Variants in ZCCHC2 observed in about 807,000 individuals in gnomAD.
ZCCHC2 encodes zinc finger CCHC domain-containing protein 2.
A neutral mutation model predicts 103.6 loss-of-function variants in ZCCHC2; 39 were observed. That is an observed-to-expected ratio of 0.38 (90% CI 0.29 to 0.49). ZCCHC2 has a LOEUF of 0.49. Among genes scored for constraint, ZCCHC2 ranks in the 20% least tolerant of loss-of-function variants. The pLI, the probability that ZCCHC2 is intolerant of heterozygous loss-of-function variation, is 0.96. For synonymous variants in ZCCHC2, 687 were observed against 608.9 expected, an observed-to-expected ratio of 1.13 and a Z score of -1.89; for missense variants, 1,483 against 1,491.0, an observed-to-expected ratio of 0.99 and a Z score of 0.09.
At chr18:62,526,051 T>C (rs547166657) in intron 1 of ZCCHC2, 1 of 152,388 alleles carries the variant, frequency 6.6e-6, no homozygotes, top group South Asian at 2.1e-4. Context: ...ACTTGATTTC[T>C]GATTTTAACT....
At chr18:62,524,648 T>C in intron 1 of ZCCHC2, 1 of 402,320 alleles carries the variant, frequency 2.5e-6, no homozygotes, top group South Asian at 7.8e-5. Context: ...GACGTGGAGC[T>C]CCCCGCCCGG....
At chr18:62,549,572 T>A (rs1235269792) in intron 4 of ZCCHC2, among the ~76,000 whole-genome samples, 2 of 152,254 alleles carry the variant, frequency 1.3e-5, no homozygotes, top group East Asian at 3.8e-4. Flanking sequence ...GTGCCAGTAA[T>A]AGGACAGATT....
At position 62,532,616 on chromosome 18, in the gene ZCCHC2, A is replaced by G. The variant is rs138653551; in HGVS notation, c.940-7065A>G. Among the ~76,000 whole-genome samples, 916 of 152,212 alleles carry G rather than the reference A, an allele frequency of 6.0e-3. 30 individuals are homozygous for G. Among genetic ancestry groups the G allele is most frequent in the Admixed American group, 0.046 (708 of 15,292 alleles). ...CTGGGTTCATGCCATTGTCTCTTGT[A>G]TGATGTTTTCTGGAATTGTCCCCGT... On this transcript the variant is annotated intron_variant, in intron 1 of 13. Coordinates refer to ENST00000269499, the MANE Select transcript of ZCCHC2 (RefSeq NM_017742.6).
At chr18:62,570,366 G>A in intron 12 of ZCCHC2, 135 bp downstream of exon 12, 2 of 1,125,938 alleles carry the variant, frequency 1.8e-6, no homozygotes, top group East Asian at 2.7e-5. Flanking sequence ...GATTTTAAAT[G>A]TAAAGTCGTT....
chr18:62,524,077 A>G lies in ZCCHC2; in HGVS notation c.653A>G (p.Glu218Gly). 6.6e-7 allele frequency: 1 copy of G among 1,504,464 alleles called. No homozygotes were observed. Among genetic ancestry groups the G allele is most frequent in the South Asian group, 1.3e-5 (1 of 79,524 alleles). The allele number at this position is 1,504,464 out of a possible 1,614,324, so 93.2% of individuals were successfully genotyped here. Residue 218 changes from glutamate to glycine, a missense_variant, in exon 1 of 14, where the codon GAG becomes GGG. This residue lies in a region of ZCCHC2 where 568 missense variants were observed against 525.1 expected (regional missense o/e 1.08). Coordinates refer to ENST00000269499, the MANE Select transcript of ZCCHC2 (RefSeq NM_017742.6). ...ARGEGSRGGA[E>G]DERGEDGDGE... ...GGCGAGGGCTCGCGGGGCGGCGCGGAGGACGAGCGCGGCGAGGACGGCGAC... is the reference window on the plus strand; with the variant it reads ...GGCGAGGGCTCGCGGGGCGGCGCGGGGGACGAGCGCGGCGAGGACGGCGAC...
chr18:62,523,847 C>T lies in ZCCHC2; in HGVS notation c.423C>T (p.Asp141=), dbSNP rs1219519771. The T allele has an allele frequency of 3.2e-6, 5 of 1,545,044 alleles. No individual in the cohort carries two copies. In the Admixed American group the frequency reaches 5.9e-5, roughly 18 times the overall value. ...GSCLEDLARK[D]YHYLRDSEAK... is the part of the protein sequence containing the mutation. ...GCCTGGAGGACCTGGCGCGCAAGGA[C>T]TACCACTACCTGCGCGACTCGGAGG... Residue 141 remains aspartate (D), a synonymous_variant, in exon 1 of 14, where the codon GAC becomes GAT. Transcript: ENST00000269499.
chr18:62,538,839 AATATT>A (rs1222242684), intron 1 of ZCCHC2, among the ~76,000 whole-genome samples: 2 of 152,222 alleles, frequency 1.3e-5, no homozygotes, highest in African/African-American at 4.8e-5. Flanking sequence ...TACAGAAAAA[AATATT>A]AATGTATGTT....
intron 5 of ZCCHC2, among the ~76,000 whole-genome samples, chr18:62,555,785 G>A (rs1230243876): frequency 6.6e-6 from 1 of 151,252 alleles, no homozygotes; most frequent in East Asian, 1.9e-4. Context: ...TCCATCCTGG[G>A]CAATAAGAGC....
At chr18:62,540,673 T>A (rs1915132527) in intron 2 of ZCCHC2, among the ~76,000 whole-genome samples, 2 of 152,010 alleles carry the variant, frequency 1.3e-5, no homozygotes, top group African/African-American at 2.4e-5. Context: ...ATGAAGGTCC[T>A]TTTTTTTAAT....
At chr18:62,534,330 C>A (rs992778839) in intron 1 of ZCCHC2, among the ~76,000 whole-genome samples, 2 of 144,982 alleles carry the variant, frequency 1.4e-5, no homozygotes, top group Admixed American at 1.4e-4. Context: ...AAAAAAAAAT[C>A]TGATTATTTG....
At chr18:62,545,578 T>C (rs567364612) in intron 4 of ZCCHC2, among the ~76,000 whole-genome samples, 2 of 152,312 alleles carry the variant, frequency 1.3e-5, no homozygotes, top group Admixed American at 1.3e-4. Context: ...TTTATACTAA[T>C]CTGATTTTAT....
rs1916883793 is a variant in ZCCHC2, at chr18:62,577,229, A to G, written c.*650A>G. ...ATGCAGTGCTTGTTGTCCAAATAGAAATGAAAATAAGTGGAAGAGAGAGGA... is the reference window on the plus strand; with the variant it reads ...ATGCAGTGCTTGTTGTCCAAATAGAGATGAAAATAAGTGGAAGAGAGAGGA... On this transcript the variant is annotated 3_prime_UTR_variant, in exon 14 of 14. Coordinates refer to ENST00000269499, the MANE Select transcript of ZCCHC2 (RefSeq NM_017742.6). 6.5e-6 allele frequency: 1 copy of G among 152,680 alleles called. No individual in the cohort carries two copies. Among genetic ancestry groups the G allele is most frequent in the Non-Finnish European group, 1.5e-5 (1 of 68,056 alleles). The allele number at this position is 152,680 out of a possible 1,614,324, so 9.5% of individuals were successfully genotyped here.
In ZCCHC2 at chr18:62,523,606, C is replaced by T. The variant is rs1228684046; in HGVS notation, c.182C>T (p.Pro61Leu). ...CCGTCGCGGGGCCCTCTGCCGCCGC[C>T]GCCGCCGCCCCGGGGACTCGGGCCG... ...AGPSRGPLPPPPPPRGLGPPV... is the reference protein window; with the variant it reads ...AGPSRGPLPPLPPPRGLGPPV... The change falls in exon 1 of 14, where the codon CCG becomes CTG. Residue 61 changes from proline (P) to leucine (L), a missense_variant. Physicochemically the swap from Pro to Leu is moderately conservative, Grantham distance 98 (BLOSUM62 -3). Around this residue, in one of 3 missense-constraint regions of ZCCHC2, gnomAD observed 568 missense variants for 525.1 expected, o/e 1.08. Coordinates refer to ENST00000269499, the MANE Select transcript of ZCCHC2 (RefSeq NM_017742.6). The T allele has an allele frequency of 5.8e-5, 65 of 1,120,830 alleles. No individual in the cohort carries two copies. Among genetic ancestry groups the T allele is most frequent in the Non-Finnish European group, 7.1e-5 (65 of 918,472 alleles). 69.4% of individuals were successfully genotyped at this position (1,120,830 alleles called of 1,614,324 possible).
downstream of ZCCHC2, among the ~76,000 whole-genome samples, chr18:62,579,722 CT>C (rs1568562746): frequency 6.6e-6 from 1 of 151,862 alleles, no homozygotes; most frequent in Non-Finnish European, 1.5e-5. Context: ...TTGTGTTAGT[CT>C]TTTCTTTTTT....
intron 11 of ZCCHC2, among the ~76,000 whole-genome samples, chr18:62,567,127 A>G (rs1916402952): frequency 6.6e-6 from 1 of 152,196 alleles, no homozygotes; most frequent in Non-Finnish European, 1.5e-5. Flanking sequence ...AGCTTGTCTT[A>G]TTGATATCAA....
intron 7 of ZCCHC2, 150 bp downstream of exon 7, chr18:62,558,920 A>G: frequency 6.0e-6 from 3 of 499,200 alleles, no homozygotes; most frequent in Non-Finnish European, 1.1e-5. Flanking sequence ...CATTCAATAA[A>G]TGGTGTGTGG....
At chr18:62,557,948 C>T (rs993561488) in intron 6 of ZCCHC2, among the ~76,000 whole-genome samples, 3 of 151,520 alleles carry the variant, frequency 2.0e-5, no homozygotes, top group African/African-American at 4.8e-5. Context: ...GTCAGCCTAA[C>T]GTTCTTACAT....
At chr18:62,567,762 T>C (rs1916427572) in intron 11 of ZCCHC2, among the ~76,000 whole-genome samples, 1 of 151,950 alleles carries the variant, frequency 6.6e-6, no homozygotes, top group South Asian at 2.1e-4. Flanking sequence ...CTGGCCATCA[T>C]GGTGAAACCC....
At position 62,548,264 on chromosome 18, in the gene ZCCHC2, T is replaced by A. The variant is rs553638617; in HGVS notation, c.1201-2084T>A. Among the ~76,000 whole-genome samples, 98 of 151,270 alleles carry A rather than the reference T, an allele frequency of 6.5e-4. 1 individual carries two copies. The South Asian group carries it at 6.9e-3, about 11-fold the overall frequency. ...TTTAAAACTGTATATATATATATATTTTTTTTAGCAAATGAGTCTTTCTTT... is the reference window on the plus strand; with the variant it reads ...TTTAAAACTGTATATATATATATATATTTTTTAGCAAATGAGTCTTTCTTT... On this transcript the variant is annotated intron_variant, in intron 4 of 13. Coordinates refer to ENST00000269499, the MANE Select transcript of ZCCHC2 (RefSeq NM_017742.6).
Sources: allele counts gnomAD v4.1 joint callset (sites outside exome capture counted in the v4.1 genomes callset), GRCh38; gene constraint gnomAD v4.1.1; regional missense constraint gnomAD v4.1.1; transcripts MANE v1.5; gene names NCBI Gene and HGNC (gene_info 2026-07-23, HGNC 2026-07-21).